Variants in CSMD1 observed in about 807,000 individuals in gnomAD.
CSMD1 encodes the protein CUB and sushi domain-containing protein 1.
In CSMD1, 213 loss-of-function variants were observed where a neutral mutation model predicts 417.5. That is an observed-to-expected ratio of 0.51 (90% confidence interval 0.46 to 0.57). The LOEUF (loss-of-function observed/expected upper bound fraction) is 0.57. CSMD1 is among the 20% of genes least tolerant of loss of function. The pLI, the probability that CSMD1 is intolerant of heterozygous loss-of-function variation, is 0.00. For synonymous variants in CSMD1, 2,862 were observed against 1,736.8 expected, an observed-to-expected ratio of 1.65 and a Z score of -16.11; for missense variants, 6,923 against 4,529.7, an observed-to-expected ratio of 1.53 and a Z score of -15.17.
At chr8:4,189,668 G>T (rs551091329) in intron 3 of CSMD1, among the ~76,000 whole-genome samples, 1 of 152,044 alleles carries the variant, frequency 6.6e-6, no homozygotes, top group Non-Finnish European at 1.5e-5. Flanking sequence ...TATTTATCAT[G>T]GAATGCATTT....
In CSMD1 at chr8:4,993,713, G is replaced by A. The variant is rs150213563; in HGVS notation, c.85+619C>T. Among the ~76,000 whole-genome samples, 897 of 152,304 alleles carry A rather than the reference G, an allele frequency of 5.9e-3. 4 individuals carry two copies. The highest frequency in any genetic ancestry group is 9.8e-3 in the Non-Finnish European group (665 of 68,026). ...CAACACCTTACAACTTGCAAGGAGC[G>A]AAGTCCGGGGGAGAGGAAAGCGGGG... On this transcript the variant is annotated intron_variant, in intron 1 of 69. Transcript: ENST00000635120.
chr8:4,035,258 C>T (rs1797557403), intron 3 of CSMD1, among the ~76,000 whole-genome samples: 1 of 152,066 alleles, frequency 6.6e-6, no homozygotes, highest in African/African-American at 2.4e-5. Context: ...CCTGTGCAGC[C>T]AGTCATACAA....
chr8:4,456,933 G>C (rs1396028981), intron 2 of CSMD1, among the ~76,000 whole-genome samples: 2 of 149,948 alleles, frequency 1.3e-5, no homozygotes, highest in Admixed American at 6.7e-5. Flanking sequence ...TTTATCCTGA[G>C]CATGGCAATT....
chr8:3,667,355 C>T (rs1298590732), intron 7 of CSMD1, among the ~76,000 whole-genome samples: 1 of 151,572 alleles, frequency 6.6e-6, no homozygotes, highest in Non-Finnish European at 1.5e-5. Flanking sequence ...TGTAGGATGT[C>T]ATGGAGATGA....
intron 2 of CSMD1, among the ~76,000 whole-genome samples, chr8:4,547,772 C>G (rs1797697161): frequency 6.6e-6 from 1 of 152,050 alleles, no homozygotes; most frequent in South Asian, 2.1e-4. Flanking sequence ...CTCTTGTACC[C>G]TGGAAATTTA....
intron 64 of CSMD1, among the ~76,000 whole-genome samples, chr8:2,954,967 G>A (rs1321200498): frequency 6.6e-6 from 1 of 152,146 alleles, no homozygotes; most frequent in African/African-American, 2.4e-5. Flanking sequence ...AGACTCCATG[G>A]ATTTATAAAT....
intron 5 of CSMD1, among the ~76,000 whole-genome samples, chr8:3,894,486 T>A (rs1005547553): frequency 1.3e-5 from 2 of 152,194 alleles, no homozygotes; most frequent in African/African-American, 4.8e-5. Context: ...AATATAGAAC[T>A]ACAAGTAGTT....
intron 7 of CSMD1, among the ~76,000 whole-genome samples, chr8:3,620,091 G>A (rs1443487871): frequency 6.6e-6 from 1 of 152,006 alleles, no homozygotes; most frequent in East Asian, 1.9e-4. Context: ...AACAGAGCAA[G>A]GCTCCAACTG....
At chr8:4,517,986 A>G (rs934146780) in intron 2 of CSMD1, among the ~76,000 whole-genome samples, 2 of 152,204 alleles carry the variant, frequency 1.3e-5, no homozygotes, top group African/African-American at 4.8e-5. Context: ...TGTTCTATTC[A>G]ATATTGATAC....
intron 7 of CSMD1, among the ~76,000 whole-genome samples, chr8:3,639,209 C>G (rs1340583185): frequency 6.6e-6 from 1 of 152,174 alleles, no homozygotes; most frequent in Non-Finnish European, 1.5e-5. Context: ...AGACACAGGC[C>G]TTGAGGTCTC....
At chr8:3,276,592 G>T (rs938316562) in intron 26 of CSMD1, among the ~76,000 whole-genome samples, 1 of 152,104 alleles carries the variant, frequency 6.6e-6, no homozygotes, top group Admixed American at 6.5e-5. Context: ...CCCATGATAC[G>T]TGGGAATTGT....
At chr8:4,619,365 G>C (rs1391943845) in intron 2 of CSMD1, among the ~76,000 whole-genome samples, 2 of 152,162 alleles carry the variant, frequency 1.3e-5, no homozygotes, top group African/African-American at 2.4e-5. Flanking sequence ...TTAGCATCAA[G>C]ACTGATGTCC....
At chr8:4,041,965 A>T (rs894522721) in intron 3 of CSMD1, among the ~76,000 whole-genome samples, 1 of 152,170 alleles carries the variant, frequency 6.6e-6, no homozygotes, top group Non-Finnish European at 1.5e-5. Flanking sequence ...AATGAAACAT[A>T]AAAGAAAAAA....
chr8:3,968,198 A>C (rs915297646), intron 5 of CSMD1, among the ~76,000 whole-genome samples: 1 of 151,502 alleles, frequency 6.6e-6, no homozygotes, highest in Non-Finnish European at 1.5e-5. Context: ...AATAATAATA[A>C]TAATAATAAT....
At chr8:4,592,106 AGCG>A (rs1043497178) in intron 2 of CSMD1, among the ~76,000 whole-genome samples, 6 of 152,030 alleles carry the variant, frequency 3.9e-5, no homozygotes, top group Non-Finnish European at 7.4e-5. Flanking sequence ...ATGTTTAACG[AGCG>A]GCTTTGCTGG....
At chr8:4,962,030 CT>C (rs200042082) in intron 1 of CSMD1, among the ~76,000 whole-genome samples, 1,928 of 151,772 alleles carry the variant, frequency 0.013, 51 homozygotes, top group African/African-American at 0.044. Context: ...TTAGTAATAA[CT>C]TTGGGAAGGT....
intron 1 of CSMD1, among the ~76,000 whole-genome samples, chr8:4,723,317 T>A (rs1342960809): frequency 6.6e-6 from 1 of 152,176 alleles, no homozygotes; most frequent in Non-Finnish European, 1.5e-5. Context: ...ATAGCCAGGA[T>A]TGATACCCGG....
rs754643411 is a variant in CSMD1, at chr8:3,597,167, C to T, written c.1098-10907G>A. Among the ~76,000 whole-genome samples the T allele has an allele frequency of 3.0e-4, 46 of 152,116 alleles. 1 individual carries two copies. The highest frequency in any genetic ancestry group is 4.9e-4 in the Non-Finnish European group (33 of 68,028). ...CCCAAAATCAGAGGGAATCAATGCCCCAGGGGTCATACTTTGAGAAGGGGA... is the reference window on the plus strand; with the variant it reads ...CCCAAAATCAGAGGGAATCAATGCCTCAGGGGTCATACTTTGAGAAGGGGA... On this transcript the variant is annotated intron_variant, in intron 8 of 69. Transcript: ENST00000635120.
chr8:4,522,059 C>G (rs947683752), intron 2 of CSMD1, among the ~76,000 whole-genome samples: 28 of 152,032 alleles, frequency 1.8e-4, no homozygotes, highest in African/African-American at 5.1e-4. Context: ...GTGTCCCCAC[C>G]CAAATCTCAT....
Sources: allele counts gnomAD v4.1 joint callset (sites outside exome capture counted in the v4.1 genomes callset), GRCh38; gene constraint gnomAD v4.1.1; transcripts MANE v1.5; gene names NCBI Gene and HGNC (gene_info 2026-07-23, HGNC 2026-07-21).